The following LMNA variants were observed in gnomAD, a reference collection of about 807,000 sequenced individuals.
LMNA encodes the protein lamin A/C.
LMNA carries 20 observed loss-of-function variants against 70.4 expected under a neutral mutation model. That is an observed-to-expected ratio of 0.28 (90% CI 0.20 to 0.41). The LOEUF (loss-of-function observed/expected upper bound fraction) is 0.41, where lower values mean the gene tolerates loss of function less well. Ranked by LOEUF, LMNA falls within the 10% of genes least tolerant of loss-of-function variation. The pLI is 1.00. For missense variants in LMNA, 652 were observed against 917.2 expected, an observed-to-expected ratio of 0.71 and a Z score of 3.73; for synonymous variants, 339 against 372.8, an observed-to-expected ratio of 0.91 and a Z score of 1.04.
chr1:156,136,149 C>T lies in LMNA; in HGVS notation c.1157+28C>T. ...GGGCTGGGGAGACGTCGGGGAGGTG[C>T]TGGCAGTGTCCTCTGGCCGGCAACT... is the stretch of plus-strand genomic sequence containing the variant. On this transcript the variant is annotated intron_variant, in intron 6 of 11. Transcript: ENST00000368300. This position sits in a 1 kb window ranked among gnomAD's most constrained non-coding sequence, Gnocchi z 6.1. 6.2e-7 allele frequency: 1 copy of T among 1,613,256 alleles called. No individual in the cohort carries two copies. The highest frequency in any genetic ancestry group is 8.5e-7 in the Non-Finnish European group (1 of 1,179,578).
In LMNA at chr1:156,137,276, CT is replaced by C; in HGVS notation, c.1608+45del. 6.5e-7 allele frequency: 1 copy of C among 1,541,308 alleles called. No individual in the cohort carries two copies. The highest frequency in any genetic ancestry group is 1.2e-5 in the South Asian group (1 of 84,346). On this transcript the variant is annotated intron_variant, in intron 9 of 11. Coordinates refer to ENST00000368300, the MANE Select transcript of LMNA (RefSeq NM_170707.4). This position sits in a 1 kb window ranked among gnomAD's most constrained non-coding sequence, Gnocchi z 4.6. ...GGCTGCTTGCTGGACGAGGCTCCCC[CT>C]GATGGCCAACATCGGAGCCAGCTGC... is the stretch of plus-strand genomic sequence containing the variant.
At chr1:156,123,669 C>T (rs1045793119) in intron 1 of LMNA, among the ~76,000 whole-genome samples, 2 of 152,018 alleles carry the variant, frequency 1.3e-5, no homozygotes, top group Non-Finnish European at 2.9e-5. Flanking sequence ...ATTTTTGTGA[C>T]AACACCGGAA....
Position 156,137,320 on chromosome 1 carries a change from C to A in LMNA, c.1608+88C>A. The A allele has an allele frequency of 6.7e-7, 1 of 1,497,514 alleles. No homozygotes were observed. The highest frequency in any genetic ancestry group is 9.0e-7 in the Non-Finnish European group (1 of 1,112,926). 92.8% of individuals were successfully genotyped at this position (1,497,514 alleles called of 1,614,324 possible). On this transcript the variant is annotated intron_variant, in intron 9 of 11. Coordinates refer to ENST00000368300, the MANE Select transcript of LMNA (RefSeq NM_170707.4). This position sits in a 1 kb window ranked among gnomAD's most constrained non-coding sequence, Gnocchi z 4.6. ...CCAGCTGCCCCCAACCCAAGTTTGC[C>A]AATTCAGGGCCCCTTTCTAGAGCTC...
At position 156,135,818 on chromosome 1, in the gene LMNA, G is replaced by A; in HGVS notation, c.937-83G>A. The A allele has an allele frequency of 1.8e-6, 2 of 1,133,030 alleles. No homozygotes were observed. Among genetic ancestry groups the A allele is most frequent in the Non-Finnish European group, 1.3e-6 (1 of 769,510 alleles). The allele number at this position is 1,133,030 out of a possible 1,614,324, so 70.2% of individuals were successfully genotyped here. ...TGCAGATCCTGGAGAGAGTAGCCAG[G>A]TGTCTCCTACACCGACCCACGTCCC... On this transcript the variant is annotated intron_variant, in intron 5 of 11. Transcript: ENST00000368300. This position sits in a 1 kb window ranked among gnomAD's most constrained non-coding sequence, Gnocchi z 4.8.
chr1:156,117,573 G>A (rs1382504137), intron 1 of LMNA, among the ~76,000 whole-genome samples: 4 of 152,062 alleles, frequency 2.6e-5, no homozygotes, highest in Non-Finnish European at 5.9e-5. Flanking sequence ...CTGTTACCCA[G>A]GCTGGAGTGC....
At position 156,137,092 on chromosome 1, in the gene LMNA, G is replaced by A. The variant is rs368080058; in HGVS notation, c.1489-21G>A. 2.5e-5 allele frequency: 40 copies of A among 1,613,930 alleles called. No homozygotes were observed. Among genetic ancestry groups the A allele is most frequent in the Admixed American group, 8.3e-5 (5 of 60,000 alleles). On this transcript the variant is annotated intron_variant, in intron 8 of 11. Transcript: ENST00000368300. The surrounding 1 kb of genome is among the most constrained non-coding windows in gnomAD (Gnocchi z 4.6). ...GGTGGCGATGGGAGCGCTGGGGTAAGTGTCCTTTTCTCCTCTCCAGATCTG... is the reference window on the plus strand; with the variant it reads ...GGTGGCGATGGGAGCGCTGGGGTAAATGTCCTTTTCTCCTCTCCAGATCTG...
rs547559095 is a variant in LMNA, at chr1:156,134,688, G to A, written c.640-117G>A. On this transcript the variant is annotated intron_variant, in intron 3 of 11. Coordinates refer to ENST00000368300, the MANE Select transcript of LMNA (RefSeq NM_170707.4). This position sits in a 1 kb window ranked among gnomAD's most constrained non-coding sequence, Gnocchi z 5.3. ...GCCAGCACTCAGCTCCCAGGTTAAA[G>A]TGGGGCTGGTAGTGGCTCATGGAGT... 6.4e-4 allele frequency: 993 copies of A among 1,551,078 alleles called. 1 individual carries two copies. The highest frequency in any genetic ancestry group is 2.8e-3 in the South Asian group (249 of 88,938).
Position 156,136,572 on chromosome 1 carries a change from C to T in LMNA, c.1380+136C>T, listed in dbSNP as rs760760686. 16 of 932,520 alleles carry T rather than the reference C, an allele frequency of 1.7e-5. No individual in the cohort carries two copies. Among genetic ancestry groups the T allele is most frequent in the Non-Finnish European group, 2.3e-5 (14 of 597,718 alleles). The allele number at this position is 932,520 out of a possible 1,614,324, so 57.8% of individuals were successfully genotyped here. A position where few individuals can be genotyped will look rare whatever the true frequency, so the allele number is the denominator to read the frequency against. ...AGGGTGAGCCTGTATATCTCCTCCA[C>T]ACTCTGGTTCCAGGCCTGGCTCCTG... On this transcript the variant is annotated intron_variant, in intron 7 of 11. Coordinates refer to ENST00000368300, the MANE Select transcript of LMNA (RefSeq NM_170707.4). The surrounding 1 kb of genome is among the most constrained non-coding windows in gnomAD (Gnocchi z 6.1).
chr1:156,114,112 A>AG (rs1229575353), upstream of LMNA, among the ~76,000 whole-genome samples: 1 of 152,160 alleles, frequency 6.6e-6, no homozygotes, highest in African/African-American at 2.4e-5. Flanking sequence ...GGGGGCATAA[A>AG]GGAACTCAGG....
At chr1:156,126,946 C>T (rs1650640529) in intron 1 of LMNA, 1 of 1,546,254 alleles carries the variant, frequency 6.5e-7, no homozygotes, top group African/African-American at 1.4e-5. Context: ...CGACCCCTGC[C>T]CGGGTATTGT....
At chr1:156,111,185 T>C (rs897741053), upstream of LMNA, among the ~76,000 whole-genome samples, 10 of 151,772 alleles carry the variant, frequency 6.6e-5, no homozygotes, top group African/African-American at 2.4e-4. Flanking sequence ...GTGCAGTGGC[T>C]CATGCCTGTA....
intron 3 of LMNA, among the ~76,000 whole-genome samples, chr1:156,095,090 G>A (rs1478125320): frequency 3.3e-5 from 5 of 151,932 alleles, no homozygotes; most frequent in East Asian, 1.9e-4. Context: ...CCCGGCTACC[G>A]GCTAATTTTT....
intron 1 of LMNA, among the ~76,000 whole-genome samples, chr1:156,129,672 C>T (rs1054189054): frequency 6.6e-6 from 1 of 152,164 alleles, no homozygotes; most frequent in African/African-American, 2.4e-5. Flanking sequence ...CTAGAAAGTT[C>T]TTGGGTTCTC....
At chr1:156,102,193 C>T (rs925433705) in intron 3 of LMNA, among the ~76,000 whole-genome samples, 3 of 152,308 alleles carry the variant, frequency 2.0e-5, no homozygotes, top group Middle Eastern at 3.4e-3. Context: ...GCACCTGCTC[C>T]GTGATACACG....
At chr1:156,089,544 T>C (rs1001759047) in intron 2 of LMNA, among the ~76,000 whole-genome samples, 2 of 151,388 alleles carry the variant, frequency 1.3e-5, no homozygotes, top group Non-Finnish European at 2.9e-5. Flanking sequence ...TCTGCCCGCC[T>C]TGGCCTCCAT....
At position 156,136,869 on chromosome 1, in the gene LMNA, C is replaced by G; in HGVS notation, c.1381-52C>G. On this transcript the variant is annotated intron_variant, in intron 7 of 11. Transcript: ENST00000368300. This position sits in a 1 kb window ranked among gnomAD's most constrained non-coding sequence, Gnocchi z 6.1. ...GCTGGGCCTTTGAGCAAGATACACC[C>G]AAGAGCCTGGGTGAGCCTCCCCGAC... 6.7e-7 allele frequency: 1 copy of G among 1,501,972 alleles called. No homozygotes were observed. Among genetic ancestry groups the G allele is most frequent in the Non-Finnish European group, 9.1e-7 (1 of 1,093,166 alleles). 93.0% of individuals were successfully genotyped at this position (1,501,972 alleles called of 1,614,324 possible). A position where few individuals can be genotyped will look rare whatever the true frequency, so the allele number is the denominator to read the frequency against.
rs1651771899 is a variant in LMNA, at chr1:156,137,599, C to T, written c.1609-55C>T. 1.4e-6 allele frequency: 2 copies of T among 1,477,602 alleles called. No homozygotes were observed. Among genetic ancestry groups the T allele is most frequent in the Middle Eastern group, 1.7e-4 (1 of 5,834 alleles). 91.5% of individuals were successfully genotyped at this position (1,477,602 alleles called of 1,614,324 possible). Reference sequence around the variant, plus strand: ...GCAGGTGGTCACTGGGGTAGACATGCTGTACAACCCTTCCCTGGCCCTGAC... The same window carrying T: ...GCAGGTGGTCACTGGGGTAGACATGTTGTACAACCCTTCCCTGGCCCTGAC... On this transcript the variant is annotated intron_variant, in intron 9 of 11. Coordinates refer to ENST00000368300, the MANE Select transcript of LMNA (RefSeq NM_170707.4). The surrounding 1 kb of genome is among the most constrained non-coding windows in gnomAD (Gnocchi z 4.6).
At chr1:156,127,847 C>T (rs963215768) in intron 1 of LMNA, among the ~76,000 whole-genome samples, 4 of 151,958 alleles carry the variant, frequency 2.6e-5, no homozygotes, top group South Asian at 4.2e-4. Context: ...CCACCTTGCC[C>T]GACTAATTTT....
rs767690389 is a variant in LMNA, at chr1:156,136,133, A to G, written c.1157+12A>G. The G allele has an allele frequency of 1.3e-5, 21 of 1,613,698 alleles. No individual in the cohort carries two copies. The highest frequency in any genetic ancestry group is 1.8e-5 in the Non-Finnish European group (21 of 1,179,968). ...GGCGAGGAGGAGAGGTGGGCTGGGG[A>G]GACGTCGGGGAGGTGCTGGCAGTGT... is the stretch of plus-strand genomic sequence containing the variant. On this transcript the variant is annotated intron_variant, in intron 6 of 11. Coordinates refer to ENST00000368300, the MANE Select transcript of LMNA (RefSeq NM_170707.4). This position sits in a 1 kb window ranked among gnomAD's most constrained non-coding sequence, Gnocchi z 6.1.
Sources: allele counts gnomAD v4.1 joint callset (sites outside exome capture counted in the v4.1 genomes callset), GRCh38; gene constraint gnomAD v4.1.1; non-coding constraint Gnocchi (gnomAD v3.1); transcripts MANE v1.5; gene names NCBI Gene and HGNC (gene_info 2026-07-23, HGNC 2026-07-21).